The following PTPRN2 variants were observed in gnomAD, a reference collection of about 807,000 sequenced individuals.
The protein encoded by PTPRN2 is protein tyrosine phosphatase receptor type N2, also known as receptor-type tyrosine-protein phosphatase N2.
PTPRN2 carries 74 observed loss-of-function variants against 118.8 expected under a neutral mutation model. The observed-to-expected ratio is 0.62, with a 90% CI of 0.52 to 0.76. The LOEUF is 0.76. PTPRN2 is among the 30% of genes least tolerant of loss of function. The pLI is 0.00. For missense variants in PTPRN2, 1,481 were observed against 1,394.4 expected (o/e 1.06, Z -0.99); for synonymous variants, 641 against 608.0 (o/e 1.05, Z -0.80).
chr7:158,305,665 T>C (rs1317952131), intron 3 of PTPRN2, among the ~76,000 whole-genome samples: 1 of 151,712 alleles, frequency 6.6e-6, no homozygotes, highest in South Asian at 2.1e-4. Flanking sequence ...TCAGTGAAAA[T>C]GGCAAAGAAC....
At chr7:157,740,271 G>T (rs1800544373) in intron 12 of PTPRN2, 1 of 152,186 alleles carries the variant, frequency 6.6e-6, no homozygotes, top group South Asian at 2.1e-4. Context: ...TTCCTGTAGG[G>T]CACAGAACAC....
At chr7:157,752,443 C>A (rs1210883025) in intron 12 of PTPRN2, among the ~76,000 whole-genome samples, 1 of 152,186 alleles carries the variant, frequency 6.6e-6, no homozygotes, top group East Asian at 1.9e-4. Context: ...TCCTGGGCAG[C>A]CCAGGCCAGA....
chr7:158,269,946 G>A (rs1798198405), intron 3 of PTPRN2, among the ~76,000 whole-genome samples: 1 of 151,902 alleles, frequency 6.6e-6, no homozygotes, highest in Non-Finnish European at 1.5e-5. Flanking sequence ...AGAGACACAG[G>A]GAGACAGAGA....
intron 11 of PTPRN2, among the ~76,000 whole-genome samples, chr7:158,034,490 C>G (rs1807944712): frequency 6.6e-6 from 1 of 152,186 alleles, no homozygotes; most frequent in Admixed American, 6.5e-5. Flanking sequence ...TTTCCCTGCA[C>G]TTTGCCTGCT....
At chr7:158,289,627 T>C (rs1474503120) in intron 3 of PTPRN2, among the ~76,000 whole-genome samples, 1 of 152,240 alleles carries the variant, frequency 6.6e-6, no homozygotes, top group Non-Finnish European at 1.5e-5. Flanking sequence ...AAACACTTAC[T>C]TTGAATTATC....
chr7:158,012,329 C>T (rs191245345), intron 11 of PTPRN2, among the ~76,000 whole-genome samples: 5 of 152,012 alleles, frequency 3.3e-5, no homozygotes, highest in South Asian at 2.1e-4. Flanking sequence ...CACCACATCA[C>T]GGTGAGACTG....
chr7:157,677,140 C>A (rs1796707702), intron 13 of PTPRN2, among the ~76,000 whole-genome samples: 1 of 152,284 alleles, frequency 6.6e-6, no homozygotes, highest in African/African-American at 2.4e-5. Context: ...AAGTGGCTTC[C>A]TTAGGAAGCA....
At chr7:158,182,635 C>T (rs933298267) in intron 5 of PTPRN2, among the ~76,000 whole-genome samples, 3 of 152,254 alleles carry the variant, frequency 2.0e-5, no homozygotes, top group East Asian at 1.9e-4. Context: ...CATCCATGTC[C>T]CTCCAAGGGA....
intron 11 of PTPRN2, among the ~76,000 whole-genome samples, chr7:157,994,838 A>G (rs1381308416): frequency 1.3e-4 from 2 of 14,990 alleles, no homozygotes; most frequent in Non-Finnish European, 2.4e-4. Context: ...CCTAAAATCA[A>G]CGCCGCGTCC....
intron 2 of PTPRN2, among the ~76,000 whole-genome samples, chr7:158,343,465 A>T (rs1416881233): frequency 6.6e-6 from 1 of 152,184 alleles, no homozygotes; most frequent in Non-Finnish European, 1.5e-5. Context: ...GCGGGCAGGA[A>T]CGTAACCTGA....
At chr7:157,830,850 C>A (rs912843004) in intron 12 of PTPRN2, among the ~76,000 whole-genome samples, 1 of 152,232 alleles carries the variant, frequency 6.6e-6, no homozygotes, top group Non-Finnish European at 1.5e-5. Flanking sequence ...ATTGGGACAA[C>A]GGGAAAACTG....
chr7:157,609,574 G>T lies in PTPRN2; in HGVS notation c.2345-5499C>A, dbSNP rs1470873119. 2.0e-5 allele frequency among the ~76,000 whole-genome samples: 3 copies of T among 152,280 alleles called. No homozygotes were observed. The East Asian group carries it at 5.8e-4, about 29-fold the overall frequency. On this transcript the variant is annotated intron_variant, in intron 15 of 22. Coordinates refer to ENST00000389418, the MANE Select transcript of PTPRN2 (RefSeq NM_002847.5). The surrounding 1 kb of genome is among the most constrained non-coding windows in gnomAD (Gnocchi z 4.9). Reference sequence around the variant, plus strand: ...CTCATAAGGATGGAACGATTCACGTGGCCACGGCCTCGTGGTCCACAGGGG... The same window carrying T: ...CTCATAAGGATGGAACGATTCACGTTGCCACGGCCTCGTGGTCCACAGGGG...
intron 14 of PTPRN2, among the ~76,000 whole-genome samples, chr7:157,653,357 A>C (rs1430185465): frequency 6.6e-6 from 1 of 152,132 alleles, no homozygotes. Context: ...TGTCTGGCGG[A>C]AACGAGGCTT....
At chr7:158,166,092 G>C (rs976715809) in intron 6 of PTPRN2, among the ~76,000 whole-genome samples, 3 of 152,082 alleles carry the variant, frequency 2.0e-5, no homozygotes, top group African/African-American at 7.3e-5. Flanking sequence ...AGATATGGAT[G>C]ACACAAGCTG....
chr7:158,266,635 A>G (rs1238596999), intron 3 of PTPRN2, among the ~76,000 whole-genome samples: 1 of 152,190 alleles, frequency 6.6e-6, no homozygotes, highest in Non-Finnish European at 1.5e-5. Flanking sequence ...ACCCAGCAGC[A>G]GCGGCCTCAG....
chr7:158,429,088 A>G (rs1228861965), intron 2 of PTPRN2, among the ~76,000 whole-genome samples: 1 of 152,176 alleles, frequency 6.6e-6, no homozygotes, highest in African/African-American at 2.4e-5. Flanking sequence ...CTAAACCGTA[A>G]TAGTCTCATC....
chr7:158,422,067 T>C (rs1226755530), intron 2 of PTPRN2, among the ~76,000 whole-genome samples: 1 of 152,168 alleles, frequency 6.6e-6, no homozygotes, highest in Non-Finnish European at 1.5e-5. Flanking sequence ...CAGAAATACT[T>C]CAAATCCACT....
chr7:158,446,685 TAA>T (rs1453019887), intron 2 of PTPRN2, among the ~76,000 whole-genome samples: 1 of 152,238 alleles, frequency 6.6e-6, no homozygotes, highest in African/African-American at 2.4e-5. Flanking sequence ...AGAAAAGCAG[TAA>T]GTTTTGTTGT....
At chr7:158,397,044 GTGCTCTTTCAATT>G (rs1374867357) in intron 2 of PTPRN2, among the ~76,000 whole-genome samples, 3 of 152,250 alleles carry the variant, frequency 2.0e-5, no homozygotes, top group Non-Finnish European at 4.4e-5. Flanking sequence ...CCCCGCTGAA[GTGCTCTTTCAATT>G]TGCTCTTTTA....
Sources: gnomAD v4.1 joint callset for allele counts (sites outside exome capture counted in the v4.1 genomes callset) on GRCh38, gnomAD v4.1.1 for gene constraint, Gnocchi (gnomAD v3.1) non-coding constraint, MANE v1.5 for transcripts, NCBI Gene and HGNC (gene_info 2026-07-23, HGNC 2026-07-21) for gene names.